The following TTC23 variants were observed in gnomAD, a reference collection of about 807,000 sequenced individuals.
TTC23 encodes the protein tetratricopeptide repeat protein 23.
Under a neutral mutation model 55.1 loss-of-function variants are expected in TTC23, and 58 were observed. The observed-to-expected ratio is 1.05, with a 90% CI of 0.85 to 1.31. The LOEUF (loss-of-function observed/expected upper bound fraction) is 1.31, where lower values mean the gene tolerates loss of function less well. TTC23 is among the 50% of genes most tolerant of loss of function. The probability of loss-of-function intolerance (pLI) is 0.00; values close to 1 mark genes in which losing one functional copy is unlikely to be tolerated. For missense variants in TTC23, 516 were observed against 534.4 expected (o/e 0.97, Z 0.34); for synonymous variants, 203 against 199.9 (o/e 1.02, Z -0.13).
In TTC23 at chr15:99,153,687, C is replaced by A. The variant is rs367927446; in HGVS notation, c.1143+2461G>T. ...AAATGAAAACAAATGAATTAAATTC[C>A]CAACTCATAAACACAGAAAAAAATT... is the stretch of plus-strand genomic sequence containing the variant. On this transcript the variant is annotated intron_variant, in intron 12 of 13. Transcript: ENST00000394132. 9.9e-5 allele frequency among the ~76,000 whole-genome samples: 15 copies of A among 151,874 alleles called. No individual in the cohort carries two copies. The East Asian group carries it at 2.9e-3, about 29-fold the overall frequency.
intron 10 of TTC23, among the ~76,000 whole-genome samples, chr15:99,167,063 C>A (rs368952455): frequency 1.3e-5 from 2 of 152,118 alleles, no homozygotes; most frequent in African/African-American, 4.8e-5. Context: ...CAGCCTTTGA[C>A]GGGAGGGCAA....
intron 3 of TTC23, among the ~76,000 whole-genome samples, chr15:99,238,495 T>C (rs1189800513): frequency 2.0e-5 from 3 of 152,134 alleles, no homozygotes; most frequent in Non-Finnish European, 4.4e-5. Context: ...TGACCTTGCT[T>C]GTTTGGCTAA....
At chr15:99,181,665 G>C (rs994883632) in intron 9 of TTC23, among the ~76,000 whole-genome samples, 1 of 152,134 alleles carries the variant, frequency 6.6e-6, no homozygotes, top group Admixed American at 6.5e-5. Context: ...TTGCAGCCCC[G>C]GGTTGCCATT....
At chr15:99,230,393 G>C (rs542886256) in intron 4 of TTC23, among the ~76,000 whole-genome samples, 2 of 152,182 alleles carry the variant, frequency 1.3e-5, no homozygotes, top group Admixed American at 1.3e-4. Flanking sequence ...TGTCATTTGA[G>C]TCCCTAAAGA....
At chr15:99,194,275 C>T (rs73463351) in intron 9 of TTC23, among the ~76,000 whole-genome samples, 2,464 of 151,866 alleles carry the variant, frequency 0.016, 71 homozygotes, top group African/African-American at 0.056. Context: ...TATGGAGAGG[C>T]AAAAGATCCA....
intron 12 of TTC23, among the ~76,000 whole-genome samples, chr15:99,142,542 CAGTT>C (rs1555490941): frequency 1.3e-5 from 2 of 149,592 alleles, no homozygotes; most frequent in East Asian, 1.9e-4. Flanking sequence ...GACACTGTAA[CAGTT>C]AGTTGAGACA....
At chr15:99,165,183 TGACAGAAATGGACATTGAGAG>T (rs1320892844) in intron 10 of TTC23, among the ~76,000 whole-genome samples, 2 of 152,084 alleles carry the variant, frequency 1.3e-5, no homozygotes, top group African/African-American at 2.4e-5. Context: ...AAGCAACAAG[TGACAGAAATGGACATTGAGAG>T]GACAGAAATG....
intron 8 of TTC23, among the ~76,000 whole-genome samples, chr15:99,214,016 ATG>A (rs569998939): frequency 1.6e-3 from 239 of 152,360 alleles, no homozygotes; most frequent in African/African-American, 5.5e-3. Context: ...ACAATGGTAT[ATG>A]AGAGAGCATA....
At chr15:99,150,783 T>A (rs2069616928) in intron 12 of TTC23, among the ~76,000 whole-genome samples, 1 of 152,192 alleles carries the variant, frequency 6.6e-6, no homozygotes, top group South Asian at 2.1e-4. Flanking sequence ...TTGGGACCCT[T>A]GCTTAAAGGA....
chr15:99,207,123 T>C (rs1308020072), intron 8 of TTC23, among the ~76,000 whole-genome samples: 1 of 152,154 alleles, frequency 6.6e-6, no homozygotes, highest in African/African-American at 2.4e-5. Context: ...AGAGAAAACA[T>C]ATGGAAAAGT....
At chr15:99,198,368 T>A (rs1319208960) in intron 9 of TTC23, among the ~76,000 whole-genome samples, 1 of 152,106 alleles carries the variant, frequency 6.6e-6, no homozygotes, top group Non-Finnish European at 1.5e-5. Context: ...CTTCCTTCTT[T>A]CCCCCACATC....
Position 99,137,807 on chromosome 15 carries a change from C to A in TTC23, c.*203G>T. On this transcript the variant is annotated 3_prime_UTR_variant, in exon 14 of 14. Coordinates refer to ENST00000394132, the MANE Select transcript of TTC23 (RefSeq NM_001288615.3). ...TAGGTGATAGAAAACTGCTTTATAGCATATATCACCCTGAAGGGCATCCAC... is the reference window on the plus strand; with the variant it reads ...TAGGTGATAGAAAACTGCTTTATAGAATATATCACCCTGAAGGGCATCCAC... The A allele has an allele frequency of 1.3e-6, 1 of 761,622 alleles. No individual in the cohort carries two copies. The highest frequency in any genetic ancestry group is 2.0e-6 in the Non-Finnish European group (1 of 494,152). The allele number at this position is 761,622 out of a possible 1,614,324, so 47.2% of individuals were successfully genotyped here. A position where few individuals can be genotyped will look rare whatever the true frequency, so the allele number is the denominator to read the frequency against.
At chr15:99,170,652 CCT>C (rs2072795198) in intron 10 of TTC23, among the ~76,000 whole-genome samples, 1 of 152,198 alleles carries the variant, frequency 6.6e-6, no homozygotes, top group African/African-American at 2.4e-5. Flanking sequence ...TGCAAATTGC[CCT>C]CTCTTATTTC....
rs760032771 is a variant in TTC23 at position 99,182,242 on chromosome 15, TCTCTCTCACA to T, written c.760-7097_760-7088del. ...CCAGAAATCTCTCTCTCTCTCTCTC[TCTCTCTCACA>T]CACACACACACACACACACACACAC... On this transcript the variant is annotated intron_variant, in intron 9 of 13. Coordinates refer to ENST00000394132, the MANE Select transcript of TTC23 (RefSeq NM_001288615.3). 3.3e-3 allele frequency among the ~76,000 whole-genome samples: 348 copies of T among 104,476 alleles called. 5 individuals are homozygous for T. The highest frequency in any genetic ancestry group is 0.012 in the African/African-American group (311 of 26,480). The allele number at this position is 104,476 out of a possible 152,430, so 68.5% of individuals were successfully genotyped here. A position where few individuals can be genotyped will look rare whatever the true frequency, so the allele number is the denominator to read the frequency against.
At chr15:99,187,933 T>C (rs1035514309) in intron 9 of TTC23, among the ~76,000 whole-genome samples, 1 of 152,022 alleles carries the variant, frequency 6.6e-6, no homozygotes, top group East Asian at 1.9e-4. Context: ...AATAGCATAG[T>C]AGTTCCTTGG....
chr15:99,157,721 T>C (rs2151886118), intron 11 of TTC23: 1 of 152,352 alleles, frequency 6.6e-6, no homozygotes, highest in East Asian at 1.9e-4. Context: ...TTTATCCAAT[T>C]TATTTATACT....
intron 10 of TTC23, among the ~76,000 whole-genome samples, chr15:99,173,129 A>G (rs1211286278): frequency 1.3e-5 from 2 of 152,218 alleles, no homozygotes; most frequent in Non-Finnish European, 2.9e-5. Context: ...TCATTCAGGA[A>G]TGGACCCACC....
At chr15:99,175,682 C>A (rs968188560) in intron 9 of TTC23, among the ~76,000 whole-genome samples, 15 of 152,198 alleles carry the variant, frequency 9.9e-5, no homozygotes, top group African/African-American at 3.4e-4. Context: ...CAGCTCAGTT[C>A]CTTGAAAATA....
At chr15:99,247,612 C>T (rs562899706) in intron 1 of TTC23, among the ~76,000 whole-genome samples, 3 of 152,200 alleles carry the variant, frequency 2.0e-5, no homozygotes, top group Admixed American at 6.5e-5. Context: ...TGCAAAGGAT[C>T]GCATAATGTG....
Sources: gnomAD v4.1 joint callset for allele counts (sites outside exome capture counted in the v4.1 genomes callset) on GRCh38, gnomAD v4.1.1 for gene constraint, MANE v1.5 for transcripts, NCBI Gene and HGNC (gene_info 2026-07-23, HGNC 2026-07-21) for gene names.